The following NUMB variants were observed in gnomAD, a reference collection of about 807,000 sequenced individuals.
NUMB encodes the protein protein numb homolog.
A neutral mutation model predicts 59.7 loss-of-function variants in NUMB; 29 were observed. That is an observed-to-expected ratio of 0.49 (90% CI 0.36 to 0.66). The LOEUF is 0.66. Ranked by LOEUF, NUMB falls within the 30% of genes least tolerant of loss-of-function variation. NUMB has a pLI of 0.00. For missense variants in NUMB, 723 were observed against 822.0 expected (o/e 0.88, Z 1.47); for synonymous variants, 288 against 288.2 (o/e 1.00, Z 0.01).
At chr14:73,383,446 G>A (rs1895348507) in intron 2 of NUMB, among the ~76,000 whole-genome samples, 1 of 152,028 alleles carries the variant, frequency 6.6e-6, no homozygotes, top group East Asian at 1.9e-4. Context: ...CAAAGAAAAA[G>A]ATAGAAAATA....
At chr14:73,395,031 G>A (rs1271670561) in intron 2 of NUMB, among the ~76,000 whole-genome samples, 2 of 90,224 alleles carry the variant, frequency 2.2e-5, no homozygotes, top group African/African-American at 1.3e-4. Context: ...AATAGTATTC[G>A]TGTGTTTGTG....
intron 4 of NUMB, among the ~76,000 whole-genome samples, chr14:73,327,448 G>A (rs2139936645): frequency 6.6e-6 from 1 of 152,174 alleles, no homozygotes; most frequent in Admixed American, 6.5e-5. Context: ...GTAGAGATGG[G>A]ATTTCACCAT....
chr14:73,437,503 A>T (rs1898109306), intron 1 of NUMB, among the ~76,000 whole-genome samples: 1 of 152,192 alleles, frequency 6.6e-6, no homozygotes, highest in Non-Finnish European at 1.5e-5. Context: ...TAATCAACAA[A>T]CTGGCTTACA....
intron 3 of NUMB, among the ~76,000 whole-genome samples, chr14:73,364,032 T>C (rs567532975): frequency 6.6e-6 from 1 of 152,282 alleles, no homozygotes; most frequent in East Asian, 1.9e-4. Context: ...ATTTCAGCAA[T>C]TCAACATTAT....
chr14:73,389,273 A>C (rs1455938005), intron 2 of NUMB, among the ~76,000 whole-genome samples: 1 of 63,392 alleles, frequency 1.6e-5, no homozygotes, highest in Admixed American at 1.6e-4. Flanking sequence ...TCCATCTCTC[A>C]AAAAAAAAAA....
intron 9 of NUMB, chr14:73,286,686 T>G: frequency 4.7e-6 from 1 of 211,062 alleles, no homozygotes; most frequent in Non-Finnish European, 9.8e-6. Context: ...ATAAACAGTA[T>G]TACTGTTAAA....
At chr14:73,423,282 C>T (rs1418836651) in intron 1 of NUMB, among the ~76,000 whole-genome samples, 1 of 151,272 alleles carries the variant, frequency 6.6e-6, no homozygotes, top group African/African-American at 2.4e-5. Context: ...GGTGGATCAC[C>T]TGAGATCAGG....
At chr14:73,436,373 G>C (rs112910554) in intron 1 of NUMB, among the ~76,000 whole-genome samples, 9,237 of 152,188 alleles carry the variant, frequency 0.061, 715 homozygotes, top group African/African-American at 0.17. Context: ...ATGGACCACA[G>C]TAGCGTGATC....
At chr14:73,334,470 T>C (rs903750362) in intron 4 of NUMB, among the ~76,000 whole-genome samples, 1 of 152,222 alleles carries the variant, frequency 6.6e-6, no homozygotes, top group African/African-American at 2.4e-5. Context: ...TTTGAGTGTT[T>C]GACAGAACTG....
intron 8 of NUMB, among the ~76,000 whole-genome samples, chr14:73,288,562 T>C (rs1214990271): frequency 1.0e-5 from 1 of 98,422 alleles, no homozygotes; most frequent in Admixed American, 1.0e-4. Flanking sequence ...AAAAAATAAA[T>C]AAAAATCAAA....
chr14:73,421,337 A>G (rs188607122), intron 1 of NUMB, among the ~76,000 whole-genome samples: 2 of 152,148 alleles, frequency 1.3e-5, no homozygotes, highest in Admixed American at 6.6e-5. Flanking sequence ...GGCATGCACC[A>G]CTGCGCCCAG....
At chr14:73,285,703 ATCACCTGAGG>A (rs1358375537) in intron 9 of NUMB, 1 of 152,200 alleles carries the variant, frequency 6.6e-6, no homozygotes, top group Non-Finnish European at 1.5e-5. Flanking sequence ...AGGCAGGCAG[ATCACCTGAGG>A]TCAGGAGTTC....
chr14:73,382,822 A>G (rs548711162), intron 2 of NUMB, among the ~76,000 whole-genome samples: 29 of 152,302 alleles, frequency 1.9e-4, no homozygotes, highest in African/African-American at 7.0e-4. Context: ...ATGACTGAAA[A>G]TCAAGAGAAA....
chr14:73,288,703 T>C (rs1889182778), intron 8 of NUMB, among the ~76,000 whole-genome samples: 1 of 150,734 alleles, frequency 6.6e-6, no homozygotes, highest in Non-Finnish European at 1.5e-5. Flanking sequence ...CTACTAAAAA[T>C]ACAAAATTAG....
At position 73,277,070 on chromosome 14, in the gene NUMB, G is replaced by A; in HGVS notation, c.1464C>T (p.Leu488=). The A allele has an allele frequency of 6.2e-7, 1 of 1,614,130 alleles. No homozygotes were observed. The highest frequency in any genetic ancestry group is 8.5e-7 in the Non-Finnish European group (1 of 1,180,044). ...PASPFQGNAF[L]TSQPVPVGVV... ...CACCCACTGGCACAGGCTGAGAGGTGAGGAATGCATTCCCTTGGAAAGGTG... is the reference window on the plus strand; with the variant it reads ...CACCCACTGGCACAGGCTGAGAGGTAAGGAATGCATTCCCTTGGAAAGGTG... Residue 488 remains leucine (L), a synonymous_variant, in exon 13 of 13, where the codon CTC becomes CTT. Transcript: ENST00000555238.
chr14:73,377,365 T>C (rs1026538063), intron 2 of NUMB, among the ~76,000 whole-genome samples: 4 of 152,200 alleles, frequency 2.6e-5, no homozygotes, highest in African/African-American at 7.2e-5. Flanking sequence ...AGGCTGGGTA[T>C]AGTGGGTCAT....
intron 4 of NUMB, among the ~76,000 whole-genome samples, chr14:73,348,069 C>T (rs1014079286): frequency 3.9e-5 from 6 of 152,234 alleles, no homozygotes; most frequent in Non-Finnish European, 8.8e-5. Context: ...GTGCCCCCAA[C>T]ACCCTACCAG....
chr14:73,350,275 G>A (rs927546245), intron 4 of NUMB, among the ~76,000 whole-genome samples: 28 of 149,232 alleles, frequency 1.9e-4, no homozygotes, highest in African/African-American at 6.9e-4. Context: ...CCGGGTTCAA[G>A]CAATTCTCCT....
At chr14:73,340,323 C>T (rs7155438) in intron 4 of NUMB, among the ~76,000 whole-genome samples, 4 of 152,160 alleles carry the variant, frequency 2.6e-5, no homozygotes, top group African/African-American at 9.7e-5. Flanking sequence ...ACCTGACAAA[C>T]GAGCAGTGGG....
Sources: allele counts gnomAD v4.1 joint callset (sites outside exome capture counted in the v4.1 genomes callset), GRCh38; gene constraint gnomAD v4.1.1; transcripts MANE v1.5; gene names NCBI Gene and HGNC (gene_info 2026-07-23, HGNC 2026-07-21).